OXER1: variants seen among roughly 807,000 people sequenced by gnomAD.
OXER1 encodes the protein oxoeicosanoid receptor 1, also known as 5-oxo-ETE G-protein coupled receptor.
For missense variants in OXER1, 587 were observed against 551.7 expected, an observed-to-expected ratio of 1.06 and a Z score of -0.64; for synonymous variants, 258 against 245.8, an observed-to-expected ratio of 1.05 and a Z score of -0.47.
rs375090648 is a variant in OXER1, at chr2:42,763,412, C to G, written c.768G>C (p.Leu256=). The G allele has an allele frequency of 3.8e-6, 6 of 1,592,314 alleles. No homozygotes were observed. The African/African-American group carries it at 8.0e-5, about 21-fold the overall frequency. ...GTGGCAGGAAGAACTCCAGCAGGTA[C>G]AGTGCCTGGTGCCAGCGGAGCGAGG... The change falls in exon 1 of 1, where the codon CTG becomes CTC. Residue 256 remains leucine, a synonymous_variant. Transcript: ENST00000378661. The surrounding 1 kb of genome is among the most constrained non-coding windows in gnomAD (Gnocchi z 4.4).
exon 1 of OXER1, chr2:42,762,686 G>C (rs1670496260): frequency 5.4e-6 from 3 of 554,362 alleles, no homozygotes; most frequent in Admixed American, 3.5e-5. Flanking sequence ...CCGGCATCCT[G>C]CTCTCCCCTG....
At chr2:42,764,042 G>C in exon 1 of OXER1, 1 of 1,613,856 alleles carries the variant, frequency 6.2e-7, no homozygotes, top group Non-Finnish European at 8.5e-7. Flanking sequence ...GAGATGGAGA[G>C]CTCAGGTTAT....
exon 1 of OXER1, chr2:42,762,763 T>G (rs1405153635): frequency 1.1e-6 from 1 of 928,448 alleles, no homozygotes; most frequent in Admixed American, 2.6e-5. Flanking sequence ...GCCACCCACC[T>G]GAGTCCTGCC....
the OXER1 span, chr2:42,762,952 G>A: frequency 1.2e-6 from 2 of 1,613,668 alleles, no homozygotes; most frequent in Admixed American, 3.3e-5. Flanking sequence ...ACCTCGCCCT[G>A]CACTTTCAGC....
Position 42,763,080 on chromosome 2 carries a change from C to G in OXER1, c.1100G>C (p.Arg367Pro), listed in dbSNP as rs771020476. The change falls in exon 1 of 1, where the codon CGG (arginine) becomes CCG (proline). Residue 367 changes from arginine to proline, a missense_variant. Coordinates refer to ENST00000378661, the Ensembl canonical transcript of OXER1. The surrounding 1 kb of genome is among the most constrained non-coding windows in gnomAD (Gnocchi z 4.4). ...GCCCCGCGTGAGGCCCAGCAAGGCC[C>G]GGCTCTGGTGGAGGAAGTTGGGGCT... 1 of 1,614,136 alleles carries G rather than the reference C, an allele frequency of 6.2e-7. No homozygotes were observed. The highest frequency in any genetic ancestry group is 8.5e-7 in the Non-Finnish European group (1 of 1,180,030).
chr2:42,763,914 G>A lies in OXER1; in HGVS notation c.266C>T (p.Ser89Leu), dbSNP rs149597004. 9.9e-6 allele frequency: 16 copies of A among 1,613,818 alleles called. No homozygotes were observed. The African/African-American group carries it at 1.2e-4, about 12-fold the overall frequency. Residue 89 changes from serine to leucine, a missense_variant, in exon 1 of 1, where the codon TCG becomes TTG. Physicochemically the swap from Ser to Leu is moderately radical, Grantham distance 145 (BLOSUM62 -2). Coordinates refer to ENST00000378661, the Ensembl canonical transcript of OXER1. This position sits in a 1 kb window ranked among gnomAD's most constrained non-coding sequence, Gnocchi z 4.4. ...TGGTGCCAGGAAGGCAGACACCAGCGAGGAAGAGGTGGGGTGGCAGGGCCC... is the reference window on the plus strand; with the variant it reads ...TGGTGCCAGGAAGGCAGACACCAGCAAGGAAGAGGTGGGGTGGCAGGGCCC...
the OXER1 span, chr2:42,763,948 AC>A: frequency 5.6e-6 from 9 of 1,612,712 alleles, no homozygotes; most frequent in East Asian, 2.2e-5. This position sits in a 1 kb window ranked among gnomAD's most constrained non-coding sequence, Gnocchi z 4.4. Context: ...CCTCCAGAGG[AC>A]CCCCCCACAG....
exon 1 of OXER1, chr2:42,762,950 C>T (rs1375698305): frequency 6.2e-7 from 1 of 1,613,700 alleles, no homozygotes; most frequent in South Asian, 1.1e-5. Flanking sequence ...AGACCTCGCC[C>T]TGCACTTTCA....
Position 42,763,505 on chromosome 2 carries a change from C to A in OXER1, c.675G>T (p.Gly225=). 2 of 1,554,672 alleles carry A rather than the reference C, an allele frequency of 1.3e-6. No homozygotes were observed. Residue 225 remains glycine, a synonymous_variant, in exon 1 of 1, where the codon GGG becomes GGT. Coordinates refer to ENST00000378661, the Ensembl canonical transcript of OXER1. This position sits in a 1 kb window ranked among gnomAD's most constrained non-coding sequence, Gnocchi z 4.4. Reference sequence around the variant, plus strand: ...CGGAGAAGGTGCTCAGGAGCAGGTGCCCGTTGAGGAGCAGGATGCCCACCC... The same window carrying A: ...CGGAGAAGGTGCTCAGGAGCAGGTGACCGTTGAGGAGCAGGATGCCCACCC...
In OXER1 at chr2:42,763,609, A is replaced by G. The variant is rs1670540905; in HGVS notation, c.571T>C (p.Tyr191His). The change falls in exon 1 of 1, where the codon TAC (tyrosine) becomes CAC (histidine). Residue 191 changes from tyrosine to histidine, a missense_variant. Tyr to His is a moderately conservative substitution (Grantham distance 83, BLOSUM62 2). Transcript: ENST00000378661. The surrounding 1 kb of genome is among the most constrained non-coding windows in gnomAD (Gnocchi z 4.4). ...TGGTGGGGCTGCACCACCTTCAGGT[A>G]GCGGTTGAGTGCGATGGCTGTGAGG... 6.2e-7 allele frequency: 1 copy of G among 1,611,060 alleles called. No individual in the cohort carries two copies. Among genetic ancestry groups the G allele is most frequent in the Non-Finnish European group, 8.5e-7 (1 of 1,178,698 alleles).
At chr2:42,764,051 A>T (rs923364203) in exon 1 of OXER1, 1 of 1,613,826 alleles carries the variant, frequency 6.2e-7, no homozygotes. Flanking sequence ...AGCTCAGGTT[A>T]TGAAGTTCCA....
chr2:42,763,093 G>T lies in OXER1; in HGVS notation c.1087C>A (p.Leu363Ile), dbSNP rs556344195. Residue 363 changes from leucine (L) to isoleucine (I), a missense_variant, in exon 1 of 1, where the codon CTC becomes ATC. Coordinates refer to ENST00000378661, the Ensembl canonical transcript of OXER1. The surrounding 1 kb of genome is among the most constrained non-coding windows in gnomAD (Gnocchi z 4.4). ...CCCAGCAAGGCCCGGCTCTGGTGGA[G>T]GAAGTTGGGGCTAGAGAAGCAGTAG... 93 of 1,614,200 alleles carry T rather than the reference G, an allele frequency of 5.8e-5. 1 individual carries two copies. The African/African-American group carries it at 8.3e-4, about 14-fold the overall frequency.
In OXER1 at chr2:42,763,204, C is replaced by A; in HGVS notation, c.976G>T (p.Ala326Ser). 1.9e-6 allele frequency: 3 copies of A among 1,549,780 alleles called. No homozygotes were observed. Among genetic ancestry groups the A allele is most frequent in the African/African-American group, 1.4e-5 (1 of 73,702 alleles). The change falls in exon 1 of 1, where the codon GCC becomes TCC. Residue 326 changes from alanine to serine, a missense_variant. Ala to Ser is a moderately conservative substitution (Grantham distance 99). Transcript: ENST00000378661. The surrounding 1 kb of genome is among the most constrained non-coding windows in gnomAD (Gnocchi z 4.4). ...GTGCAGAGGTCCAGGGATCGGCAGG[C>A]GGACAGCCAGAAAGCCACCATGGAA...
chr2:42,763,649 C>G lies in OXER1; in HGVS notation c.531G>C (p.Thr177=), dbSNP rs199615196. The stretch of plus-strand genomic sequence containing the variant: ...TGGCTGTGAGGAAGACAACGCTGGC[C>G]GTGCGGTTGGTGGACAGCATGAAGA... The change falls in exon 1 of 1, where the codon ACG becomes ACC. Residue 177 remains threonine (T), a synonymous_variant. Transcript: ENST00000378661. The surrounding 1 kb of genome is among the most constrained non-coding windows in gnomAD (Gnocchi z 4.4). 6.2e-7 allele frequency: 1 copy of G among 1,613,696 alleles called. No individual in the cohort carries two copies. The highest frequency in any genetic ancestry group is 8.5e-7 in the Non-Finnish European group (1 of 1,179,920).
exon 1 of OXER1, chr2:42,762,581 ACT>A: frequency 2.9e-6 from 1 of 343,630 alleles, no homozygotes; most frequent in Non-Finnish European, 5.3e-6. Context: ...TTCTAAGGTG[ACT>A]CTGCTGTGAC....
exon 1 of OXER1, chr2:42,762,892 G>A: frequency 6.2e-7 from 1 of 1,602,998 alleles, no homozygotes; most frequent in Non-Finnish European, 8.5e-7. Flanking sequence ...CAGCGCTGCA[G>A]CCCTGCAGCT....
At position 42,763,234 on chromosome 2, in the gene OXER1, T is replaced by G. The variant is rs17029947; in HGVS notation, c.946A>C (p.Met316Leu). 1 of 1,611,434 alleles carries G rather than the reference T, an allele frequency of 6.2e-7. No individual in the cohort carries two copies. The highest frequency in any genetic ancestry group is 2.2e-5 in the East Asian group (1 of 44,812). The change falls in exon 1 of 1, where the codon ATG becomes CTG. Residue 316 changes from methionine to leucine, a missense_variant. Met to Leu is a conservative substitution (Grantham distance 15, BLOSUM62 2). Coordinates refer to ENST00000378661, the Ensembl canonical transcript of OXER1. The surrounding 1 kb of genome is among the most constrained non-coding windows in gnomAD (Gnocchi z 4.4). ...AGCCAGAAAGCCACCATGGAAGCCA[T>G]GCCAAAGATGATGCTGGGCAAGAAG...
chr2:42,763,416 G>GCT, the OXER1 span: 1 of 1,591,162 alleles, frequency 6.3e-7, no homozygotes. The surrounding 1 kb of genome is among the most constrained non-coding windows in gnomAD (Gnocchi z 4.4). Flanking sequence ...CAGGTACAGT[G>GCT]CCTGGTGCCA....
rs1380229200 is a variant in OXER1 at position 42,763,320 on chromosome 2, T to C, written c.860A>G (p.Gln287Arg). 12 of 1,612,896 alleles carry C rather than the reference T, an allele frequency of 7.4e-6. No individual in the cohort carries two copies. Among genetic ancestry groups the C allele is most frequent in the Non-Finnish European group, 1.0e-5 (12 of 1,179,846 alleles). Residue 287 changes from glutamine to arginine, a missense_variant, in exon 1 of 1, where the codon CAG becomes CGG. Coordinates refer to ENST00000378661, the Ensembl canonical transcript of OXER1. This position sits in a 1 kb window ranked among gnomAD's most constrained non-coding sequence, Gnocchi z 4.4. ...ACGCATGGCCCTCTGCGGGCCTGCC[T>C]GCCCGCCCAGACCACGGTTCCGGAT...
Sources: gnomAD v4.1 joint callset for allele counts on GRCh38, gnomAD v4.1.1 for gene constraint, Gnocchi (gnomAD v3.1) non-coding constraint, MANE v1.5 for transcripts, NCBI Gene and HGNC (gene_info 2026-07-23, HGNC 2026-07-21) for gene names.